The following DSCAM variants were observed in gnomAD, a reference collection of about 807,000 sequenced individuals.
DSCAM encodes DS cell adhesion molecule.
A neutral mutation model predicts 217.7 loss-of-function variants in DSCAM; 47 were observed. The observed-to-expected ratio is 0.22, with a 90% CI of 0.17 to 0.28. DSCAM has a LOEUF of 0.28. Ranked by LOEUF, DSCAM falls within the 10% of genes least tolerant of loss-of-function variation. The pLI, the probability that DSCAM is intolerant of heterozygous loss-of-function variation, is 1.00. For missense variants in DSCAM, 2,080 were observed against 2,618.3 expected (o/e 0.79, Z 4.49); for synonymous variants, 1,056 against 1,015.3 (o/e 1.04, Z -0.76).
intron 3 of DSCAM, among the ~76,000 whole-genome samples, chr21:40,598,965 T>C (rs2077042538): frequency 6.6e-6 from 1 of 152,222 alleles, no homozygotes; most frequent in Non-Finnish European, 1.5e-5. Flanking sequence ...GCTGATCATC[T>C]TTTCATATCT....
intron 3 of DSCAM, among the ~76,000 whole-genome samples, chr21:40,499,562 G>A (rs4818136): frequency 8.1e-4 from 123 of 152,252 alleles, no homozygotes; most frequent in Non-Finnish European, 1.5e-3. Flanking sequence ...ATGATCCAAC[G>A]TGCCCATTAA....
At chr21:40,780,455 TTATCC>T (rs1205338572) in intron 1 of DSCAM, among the ~76,000 whole-genome samples, 4 of 85,690 alleles carry the variant, frequency 4.7e-5, no homozygotes, top group Non-Finnish European at 9.9e-5. Context: ...ATATCTCCTG[TTATCC>T]TATTTATGAA....
chr21:40,778,917 G>A (rs1165578879), intron 1 of DSCAM, among the ~76,000 whole-genome samples: 1 of 151,670 alleles, frequency 6.6e-6, no homozygotes, highest in African/African-American at 2.4e-5. Context: ...CCAGCTACTC[G>A]GTAGGCTGAG....
intron 3 of DSCAM, among the ~76,000 whole-genome samples, chr21:40,414,304 G>A (rs1419026171): frequency 2.6e-5 from 4 of 152,146 alleles, no homozygotes; most frequent in Non-Finnish European, 5.9e-5. Context: ...AGTCTTCTTT[G>A]CCATTTACAA....
chr21:40,081,215 G>A, intron 24 of DSCAM, among the ~76,000 whole-genome samples: 1 of 152,152 alleles, frequency 6.6e-6, no homozygotes, highest in African/African-American at 2.4e-5. Context: ...CTGCAGCCAT[G>A]TTCCTTCTCC....
chr21:40,489,956 A>G (rs2076063365), intron 3 of DSCAM, among the ~76,000 whole-genome samples: 1 of 152,138 alleles, frequency 6.6e-6, no homozygotes, highest in Non-Finnish European at 1.5e-5. Context: ...CTGCTAATAA[A>G]GACATATCAG....
At chr21:40,484,097 A>T (rs2076005203) in intron 3 of DSCAM, among the ~76,000 whole-genome samples, 2 of 152,196 alleles carry the variant, frequency 1.3e-5, no homozygotes, top group Non-Finnish European at 2.9e-5. Flanking sequence ...GTCTCAACCC[A>T]CCCAAACTCA....
intron 3 of DSCAM, among the ~76,000 whole-genome samples, chr21:40,373,185 G>C (rs773441014): frequency 1.1e-4 from 16 of 152,258 alleles, no homozygotes; most frequent in Non-Finnish European, 1.9e-4. Context: ...CTATTTTGCT[G>C]AACTATGGGT....
intron 5 of DSCAM, among the ~76,000 whole-genome samples, chr21:40,352,444 G>A (rs1471821590): frequency 6.6e-6 from 1 of 152,096 alleles, no homozygotes. Context: ...GATTCAGGCT[G>A]GACAGCCTGT....
intron 32 of DSCAM, among the ~76,000 whole-genome samples, chr21:40,028,877 A>G (rs1248103989): frequency 2.0e-5 from 3 of 152,150 alleles, no homozygotes; most frequent in African/African-American, 7.2e-5. Flanking sequence ...AGCAAATCAA[A>G]AAGACATCTC....
chr21:40,686,081 G>A (rs946441841), intron 3 of DSCAM, among the ~76,000 whole-genome samples: 3 of 151,830 alleles, frequency 2.0e-5, no homozygotes, highest in Non-Finnish European at 4.4e-5. Flanking sequence ...TGACTGAGTG[G>A]CCCAACAAAT....
chr21:40,199,678 A>G (rs117944090), intron 11 of DSCAM, among the ~76,000 whole-genome samples: 1,580 of 152,246 alleles, frequency 0.01, 15 homozygotes, highest in Middle Eastern at 0.031. Flanking sequence ...TGACTTTTTA[A>G]TAATAGCCAT....
intron 1 of DSCAM, among the ~76,000 whole-genome samples, chr21:40,758,218 C>A (rs2091295325): frequency 6.6e-6 from 1 of 152,132 alleles, no homozygotes; most frequent in Non-Finnish European, 1.5e-5. Context: ...CTTTAGACTT[C>A]TGGCCTCTAG....
At chr21:40,354,599 C>T (rs1472056964) in intron 4 of DSCAM, among the ~76,000 whole-genome samples, 5 of 151,988 alleles carry the variant, frequency 3.3e-5, no homozygotes, top group African/African-American at 1.2e-4. Flanking sequence ...CCTGTAATCC[C>T]AGCACTTTGG....
chr21:40,297,351 C>T (rs1046785405), intron 9 of DSCAM, among the ~76,000 whole-genome samples: 2 of 152,122 alleles, frequency 1.3e-5, no homozygotes, highest in Admixed American at 6.5e-5. Context: ...TTCTAATCCC[C>T]GTATCTTTCC....
At chr21:40,666,966 C>T (rs2090209214) in intron 3 of DSCAM, among the ~76,000 whole-genome samples, 2 of 152,204 alleles carry the variant, frequency 1.3e-5, no homozygotes, top group African/African-American at 4.8e-5. Context: ...AGGCATTGCA[C>T]AGCCTCACCA....
intron 6 of DSCAM, among the ~76,000 whole-genome samples, chr21:40,343,279 A>G (rs1402630685): frequency 1.3e-5 from 2 of 152,122 alleles, no homozygotes; most frequent in Non-Finnish European, 2.9e-5. Flanking sequence ...AACTCCATCC[A>G]TTTTATTTCT....
chr21:40,200,861 C>G (rs1297516439), intron 11 of DSCAM, among the ~76,000 whole-genome samples: 1 of 152,148 alleles, frequency 6.6e-6, no homozygotes, highest in Admixed American at 6.5e-5. Context: ...ACAGAAACAC[C>G]AAGTGTGATT....
intron 15 of DSCAM, among the ~76,000 whole-genome samples, chr21:40,168,614 G>A (rs374819903): frequency 6.2e-4 from 94 of 152,298 alleles, no homozygotes; most frequent in African/African-American, 2.1e-3. Context: ...TATGGCACAC[G>A]GGAGATAAGA....
Sources: gnomAD v4.1 joint callset for allele counts (sites outside exome capture counted in the v4.1 genomes callset) on GRCh38, gnomAD v4.1.1 for gene constraint, MANE v1.5 for transcripts, NCBI Gene and HGNC (gene_info 2026-07-23, HGNC 2026-07-21) for gene names.